The following PDE1C variants were observed in gnomAD, a reference collection of about 807,000 sequenced individuals.
PDE1C encodes phosphodiesterase 1C.
In PDE1C, 62 loss-of-function variants were observed where a neutral mutation model predicts 93.1. The observed-to-expected ratio is 0.67, with a 90% confidence interval of 0.54 to 0.82. The LOEUF is 0.82. Among genes scored for constraint, PDE1C ranks in the 40% least tolerant of loss-of-function variants. PDE1C has a pLI of 0.00. For missense variants in PDE1C, 742 were observed against 884.6 expected (o/e 0.84, Z 2.04); for synonymous variants, 325 against 310.1 (o/e 1.05, Z -0.50).
chr7:31,632,059 T>G, the PDE1C span, among the ~76,000 whole-genome samples: 59 of 152,332 alleles, frequency 3.9e-4, no homozygotes, highest in East Asian at 0.011. Flanking sequence ...CTGTGGCTTA[T>G]TCTCTTCAGA....
At chr7:31,906,098 T>A (rs1175456013) in intron 2 of PDE1C, among the ~76,000 whole-genome samples, 4 of 152,180 alleles carry the variant, frequency 2.6e-5, no homozygotes, top group African/African-American at 9.7e-5. Context: ...ATGTCTTTAT[T>A]AGCAGCATGA....
At chr7:32,059,026 CA>C (rs1248067892) in intron 1 of PDE1C, among the ~76,000 whole-genome samples, 1 of 150,710 alleles carries the variant, frequency 6.6e-6, no homozygotes, top group Non-Finnish European at 1.5e-5. Context: ...GAAAAACTAA[CA>C]AAAACAAAAA....
At chr7:32,233,880 C>T (rs531110196) in intron 1 of PDE1C, among the ~76,000 whole-genome samples, 20 of 151,992 alleles carry the variant, frequency 1.3e-4, no homozygotes, top group Middle Eastern at 3.4e-3. Context: ...ACATTCATCA[C>T]GATAGACTAA....
chr7:32,054,879 T>G (rs1026854412), intron 1 of PDE1C, among the ~76,000 whole-genome samples: 1 of 152,182 alleles, frequency 6.6e-6, no homozygotes, highest in African/African-American at 2.4e-5. Context: ...TCAGATTATT[T>G]TGAATGGGCA....
At chr7:31,711,276 GTATTT>G in the PDE1C span, among the ~76,000 whole-genome samples, 4 of 152,184 alleles carry the variant, frequency 2.6e-5, no homozygotes, top group African/African-American at 9.6e-5. Context: ...CAAATCATAT[GTATTT>G]TATTTAAAAG....
intron 1 of PDE1C, among the ~76,000 whole-genome samples, chr7:32,246,095 A>C (rs1808923814): frequency 6.6e-6 from 1 of 150,772 alleles, no homozygotes. Flanking sequence ...CAGCCTCCTG[A>C]GTAGCTGGGA....
chr7:31,969,494 A>T (rs1810577547), intron 2 of PDE1C, among the ~76,000 whole-genome samples: 2 of 152,214 alleles, frequency 1.3e-5, no homozygotes, highest in Admixed American at 1.3e-4. Context: ...AGGAAACAAC[A>T]GGTGCTGGAG....
At chr7:31,956,774 A>C (rs985569313) in intron 2 of PDE1C, among the ~76,000 whole-genome samples, 22 of 152,208 alleles carry the variant, frequency 1.4e-4, no homozygotes, top group Non-Finnish European at 3.1e-4. Flanking sequence ...CCTAACTTTT[A>C]CCACAACTGT....
At chr7:32,387,515 A>G (rs1174229775) in intron 1 of PDE1C, among the ~76,000 whole-genome samples, 2 of 100,538 alleles carry the variant, frequency 2.0e-5, no homozygotes, top group Admixed American at 9.8e-5. Flanking sequence ...TGACCCCCCC[A>G]CCTCCCTCCC....
intron 2 of PDE1C, among the ~76,000 whole-genome samples, chr7:31,968,868 C>G (rs1216128252): frequency 1.3e-5 from 2 of 152,148 alleles, no homozygotes; most frequent in Non-Finnish European, 2.9e-5. Context: ...CTGACAAAAA[C>G]AAGCAATGGG....
In PDE1C at chr7:31,796,102, T is replaced by C. The variant is rs547745557; in HGVS notation, c.1891+12929A>G. On this transcript the variant is annotated intron_variant, in intron 16 of 17. Coordinates refer to ENST00000396191, the MANE Select transcript of PDE1C (RefSeq NM_001191057.4). ...GGACAGGGACATATATATATCTATA[T>C]ACACACACATATATATATATGTATA... is the stretch of plus-strand genomic sequence containing the variant. Among the ~76,000 whole-genome samples the C allele has an allele frequency of 1.7e-3, 249 of 150,694 alleles. 1 individual carries two copies. Among genetic ancestry groups the C allele is most frequent in the African/African-American group, 5.7e-3 (237 of 41,258 alleles).
chr7:32,078,065 T>C lies in PDE1C; in HGVS notation c.308+91720A>G, dbSNP rs558665433. The stretch of plus-strand genomic sequence containing the variant: ...CTTGGCTGTACTAATGAAATTGAAA[T>C]TTTTGTTCACGTAAAACTGCTGATG... On this transcript the variant is annotated intron_variant, in intron 3 of 18. Coordinates refer to the PDE1C transcript ENST00000396193. 8 of 982,550 alleles carry C rather than the reference T, an allele frequency of 8.1e-6. No homozygotes were observed. In the Admixed American group the frequency reaches 3.7e-4, roughly 45 times the overall value. The allele number at this position is 982,550 out of a possible 1,614,324, so 60.9% of individuals were successfully genotyped here. A position where few individuals can be genotyped will look rare whatever the true frequency, so the allele number is the denominator to read the frequency against.
At chr7:32,009,331 T>C (rs1328789147) in intron 2 of PDE1C, among the ~76,000 whole-genome samples, 1 of 152,000 alleles carries the variant, frequency 6.6e-6, no homozygotes, top group Non-Finnish European at 1.5e-5. Flanking sequence ...CCAAGGAAGT[T>C]AGAATTCACA....
the PDE1C span, among the ~76,000 whole-genome samples, chr7:31,717,457 T>C: frequency 1.3e-5 from 2 of 152,134 alleles, no homozygotes; most frequent in Admixed American, 1.3e-4. Context: ...GTGTGAATGT[T>C]TGCCCTTGGG....
chr7:31,863,831 GT>G (rs1357030114), intron 7 of PDE1C, among the ~76,000 whole-genome samples: 1 of 152,062 alleles, frequency 6.6e-6, no homozygotes, highest in African/African-American at 2.4e-5. Context: ...AGAGACTCAA[GT>G]AATTTATCAT....
At chr7:32,098,780 C>CA (rs1797902470) in intron 3 of PDE1C, among the ~76,000 whole-genome samples, 1 of 152,204 alleles carries the variant, frequency 6.6e-6, no homozygotes, top group Non-Finnish European at 1.5e-5. Context: ...GGATCATCCC[C>CA]ATCATCTCTC....
chr7:32,014,285 T>C (rs1367729406), intron 2 of PDE1C, among the ~76,000 whole-genome samples: 2 of 103,350 alleles, frequency 1.9e-5, no homozygotes, highest in Admixed American at 1.9e-4. Flanking sequence ...TGAAAACATT[T>C]AAAAGCTATA....
At chr7:32,347,366 C>A (rs767563109) in intron 1 of PDE1C, among the ~76,000 whole-genome samples, 1 of 152,066 alleles carries the variant, frequency 6.6e-6, no homozygotes, top group Non-Finnish European at 1.5e-5. Context: ...TCTTTATAGA[C>A]CTTGCAGTTT....
At chr7:31,713,267 G>C in the PDE1C span, among the ~76,000 whole-genome samples, 1 of 152,324 alleles carries the variant, frequency 6.6e-6, no homozygotes, top group East Asian at 1.9e-4. Context: ...CAGGGCCCAT[G>C]CAAGTCCCAA....
Sources: allele counts gnomAD v4.1 joint callset (sites outside exome capture counted in the v4.1 genomes callset), GRCh38; gene constraint gnomAD v4.1.1; transcripts MANE v1.5; gene names NCBI Gene and HGNC (gene_info 2026-07-23, HGNC 2026-07-21).